The following SYNDIG1L variants were observed in gnomAD, a reference collection of about 807,000 sequenced individuals.
SYNDIG1L encodes the protein synapse differentiation-inducing gene protein 1-like.
A neutral mutation model predicts 20.1 loss-of-function variants in SYNDIG1L; 13 were observed. The ratio of observed to expected loss-of-function variants is 0.65; its 90% CI spans 0.42 to 1.03. The LOEUF (loss-of-function observed/expected upper bound fraction) is 1.03, where lower values mean the gene tolerates loss of function less well. Among genes scored for constraint, SYNDIG1L ranks in the 50% least tolerant of loss-of-function variants. The probability of loss-of-function intolerance (pLI) is 0.00; values close to 1 mark genes in which losing one functional copy is unlikely to be tolerated. For missense variants in SYNDIG1L, 294 were observed against 305.1 expected, an observed-to-expected ratio of 0.96 and a Z score of 0.27; for synonymous variants, 128 against 129.3, an observed-to-expected ratio of 0.99 and a Z score of 0.07.
chr14:74,423,780 C>T (rs2086243372), intron 1 of SYNDIG1L, among the ~76,000 whole-genome samples: 1 of 151,670 alleles, frequency 6.6e-6, no homozygotes, highest in African/African-American at 2.4e-5. Flanking sequence ...TCTGGTCTTC[C>T]TAGGAGGGAG....
chr14:74,450,295 T>C, the SYNDIG1L span, among the ~76,000 whole-genome samples: 2 of 152,266 alleles, frequency 1.3e-5, no homozygotes, highest in Non-Finnish European at 2.9e-5. Flanking sequence ...TATTTAATGA[T>C]GAAGCAATAC....
At chr14:74,441,492 T>A in the SYNDIG1L span, among the ~76,000 whole-genome samples, 12 of 152,132 alleles carry the variant, frequency 7.9e-5, no homozygotes, top group African/African-American at 1.9e-4. Context: ...TAGAATTTTT[T>A]AAAAATAAAT....
the SYNDIG1L span, among the ~76,000 whole-genome samples, chr14:74,435,150 C>G: frequency 6.6e-6 from 1 of 150,438 alleles, no homozygotes; most frequent in Non-Finnish European, 1.5e-5. Context: ...ACTTGAATCT[C>G]TCTCCCTGCC....
At position 74,406,037 on chromosome 14, in the gene SYNDIG1L, A is replaced by G; in HGVS notation, c.*1498T>C. Reference sequence around the variant, plus strand: ...ACAAGGGATGCTCAGTGGTGGAGCCACAGCCCTGGGCTCTGGATGGGGCAT... The same window carrying G: ...ACAAGGGATGCTCAGTGGTGGAGCCGCAGCCCTGGGCTCTGGATGGGGCAT... On this transcript the variant is annotated 3_prime_UTR_variant, in exon 4 of 4. Transcript: ENST00000331628. 1 of 398,842 alleles carries G rather than the reference A, an allele frequency of 2.5e-6. No individual in the cohort carries two copies. The highest frequency in any genetic ancestry group is 4.4e-6 in the Non-Finnish European group (1 of 226,238). 24.7% of individuals were successfully genotyped at this position (398,842 alleles called of 1,614,324 possible). A position where few individuals can be genotyped will look rare whatever the true frequency, so the allele number is the denominator to read the frequency against.
chr14:74,442,425 G>C, the SYNDIG1L span, among the ~76,000 whole-genome samples: 22 of 152,274 alleles, frequency 1.4e-4, no homozygotes, highest in Non-Finnish European at 2.8e-4. Context: ...CTAGATAAAA[G>C]GAGAAACAGG....
the SYNDIG1L span, among the ~76,000 whole-genome samples, chr14:74,441,167 G>A: frequency 6.6e-6 from 1 of 152,196 alleles, no homozygotes. Flanking sequence ...TTGTCGGATA[G>A]CCCTTAGTTG....
At chr14:74,421,484 G>A (rs996983743) in intron 1 of SYNDIG1L, among the ~76,000 whole-genome samples, 1 of 152,158 alleles carries the variant, frequency 6.6e-6, no homozygotes, top group African/African-American at 2.4e-5. Context: ...AACAATTAAA[G>A]AAGCAGAAGC....
chr14:74,416,399 C>G (rs530926947), intron 1 of SYNDIG1L, among the ~76,000 whole-genome samples: 4 of 152,098 alleles, frequency 2.6e-5, no homozygotes, highest in Admixed American at 2.0e-4. Context: ...TTTGGGAGGC[C>G]AAGGTGGGTG....
chr14:74,453,364 A>G, the SYNDIG1L span, among the ~76,000 whole-genome samples: 1 of 44,536 alleles, frequency 2.2e-5, no homozygotes, highest in African/African-American at 1.9e-4. Context: ...AAAAAAAAAA[A>G]AAAAAAAAAA....
the SYNDIG1L span, among the ~76,000 whole-genome samples, chr14:74,461,184 G>C: frequency 6.6e-6 from 1 of 152,090 alleles, no homozygotes; most frequent in Non-Finnish European, 1.5e-5. Flanking sequence ...CTGATCTCAG[G>C]TGATCTGCCC....
At chr14:74,443,966 A>T in the SYNDIG1L span, among the ~76,000 whole-genome samples, 1 of 152,078 alleles carries the variant, frequency 6.6e-6, no homozygotes. Flanking sequence ...ATCTCTCTCA[A>T]CTCTTGCAGC....
At chr14:74,476,261 G>A in the SYNDIG1L span, 1 of 602,816 alleles carries the variant, frequency 1.7e-6, no homozygotes, top group African/African-American at 1.9e-5. Flanking sequence ...CCTGCTCTCT[G>A]CTTTTTGATC....
chr14:74,457,576 T>C, the SYNDIG1L span, among the ~76,000 whole-genome samples: 1 of 151,554 alleles, frequency 6.6e-6, no homozygotes, highest in Non-Finnish European at 1.5e-5. Context: ...TTCAGCTTGG[T>C]TGTTTATATT....
the SYNDIG1L span, among the ~76,000 whole-genome samples, chr14:74,478,530 G>T: frequency 6.6e-6 from 1 of 152,198 alleles, no homozygotes; most frequent in African/African-American, 2.4e-5. Context: ...GCATGGTATT[G>T]TGAGTCCTGT....
Position 74,407,463 on chromosome 14 carries a change from A to G in SYNDIG1L, c.*72T>C. ...ATCTTCAGGGGCCGGGCCTTTCCAT[A>G]GGGTCTGCAACTCCAAGCCCCACTG... is the stretch of plus-strand genomic sequence containing the variant. On this transcript the variant is annotated 3_prime_UTR_variant, in exon 4 of 4. Transcript: ENST00000331628. The G allele has an allele frequency of 6.3e-7, 1 of 1,595,146 alleles. No individual in the cohort carries two copies. Among genetic ancestry groups the G allele is most frequent in the Non-Finnish European group, 8.5e-7 (1 of 1,172,310 alleles).
chr14:74,417,012 A>C (rs1207010353), intron 1 of SYNDIG1L, among the ~76,000 whole-genome samples: 1 of 152,198 alleles, frequency 6.6e-6, no homozygotes, highest in Admixed American at 6.5e-5. Flanking sequence ...TAATGCCACT[A>C]TGTATCAGCT....
the SYNDIG1L span, chr14:74,476,393 T>A: frequency 1.2e-6 from 1 of 802,190 alleles, no homozygotes; most frequent in Non-Finnish European, 2.1e-6. Flanking sequence ...TGCTGGCTGC[T>A]TATCTGGGAC....
At chr14:74,468,598 CCA>C in the SYNDIG1L span, among the ~76,000 whole-genome samples, 2 of 152,116 alleles carry the variant, frequency 1.3e-5, no homozygotes, top group Non-Finnish European at 2.9e-5. Flanking sequence ...AGCTCTTCCC[CCA>C]CACACACTGC....
the SYNDIG1L span, among the ~76,000 whole-genome samples, chr14:74,478,470 A>G: frequency 6.6e-6 from 1 of 152,236 alleles, no homozygotes; most frequent in African/African-American, 2.4e-5. Context: ...ATCAAAATCA[A>G]TTCTCCCTGA....
Sources: gnomAD v4.1 joint callset for allele counts (sites outside exome capture counted in the v4.1 genomes callset) on GRCh38, gnomAD v4.1.1 for gene constraint, MANE v1.5 for transcripts, NCBI Gene and HGNC (gene_info 2026-07-23, HGNC 2026-07-21) for gene names.